KCNMA1: variants seen among roughly 807,000 people sequenced by gnomAD.
KCNMA1 encodes potassium calcium-activated channel subfamily M alpha 1, also known as Calcium-activated potassium channel subunit alpha-1.
KCNMA1 carries 29 observed loss-of-function variants against 140.0 expected under a neutral mutation model. That is an observed-to-expected ratio of 0.21 (90% CI 0.15 to 0.28). KCNMA1 has a LOEUF of 0.28. Ranked by LOEUF, KCNMA1 falls within the 10% of genes least tolerant of loss-of-function variation. The pLI is 1.00. For synonymous variants in KCNMA1, 612 were observed against 611.9 expected (o/e 1.00, Z 0.00); for missense variants, 880 against 1,602.2 (o/e 0.55, Z 7.70).
At chr10:77,225,003 A>G (rs914374136) in intron 3 of KCNMA1, among the ~76,000 whole-genome samples, 8 of 152,170 alleles carry the variant, frequency 5.3e-5, no homozygotes, top group Non-Finnish European at 7.4e-5. Flanking sequence ...GTTTACTTCT[A>G]TGGTCCCAGC....
intron 3 of KCNMA1, among the ~76,000 whole-genome samples, chr10:77,226,991 A>ACT (rs2051691750): frequency 6.6e-6 from 1 of 152,170 alleles, no homozygotes; most frequent in South Asian, 2.1e-4. Context: ...CTTAGGGAGC[A>ACT]ATTAAGGAAA....
In KCNMA1 at chr10:76,885,946, T is replaced by C. The variant is rs1436488822; in HGVS notation, c.*1320A>G. On this transcript the variant is annotated 3_prime_UTR_variant, in exon 28 of 28. Coordinates refer to ENST00000286628, the MANE Select transcript of KCNMA1 (RefSeq NM_001161352.2). ...CATAATGACAAGGAGCAGCTCTCTATTGCCGTCATTACCCTGCCTAAATTG... is the reference window on the plus strand; with the variant it reads ...CATAATGACAAGGAGCAGCTCTCTACTGCCGTCATTACCCTGCCTAAATTG... The C allele has an allele frequency of 4.1e-6, 4 of 985,346 alleles. No homozygotes were observed. The African/African-American group carries it at 7.0e-5, about 17-fold the overall frequency. 61.0% of individuals were successfully genotyped at this position (985,346 alleles called of 1,614,324 possible).
intron 2 of KCNMA1, among the ~76,000 whole-genome samples, chr10:77,311,829 AT>A (rs1784346914): frequency 6.6e-6 from 1 of 152,176 alleles, no homozygotes; most frequent in Admixed American, 6.5e-5. Context: ...TCCCCCAGTC[AT>A]GCTGCCTCCC....
At chr10:77,145,119 C>T (rs1404917963) in intron 5 of KCNMA1, among the ~76,000 whole-genome samples, 1 of 152,164 alleles carries the variant, frequency 6.6e-6, no homozygotes, top group Non-Finnish European at 1.5e-5. Flanking sequence ...CACCTATCTC[C>T]ATGGGGCACA....
chr10:76,941,473 G>A (rs936724637), intron 23 of KCNMA1, among the ~76,000 whole-genome samples: 12 of 152,268 alleles, frequency 7.9e-5, no homozygotes, highest in East Asian at 3.9e-4. Context: ...GGGAAGGAGC[G>A]ATTTCTCTGT....
chr10:76,901,135 G>A (rs1345936119), intron 25 of KCNMA1, among the ~76,000 whole-genome samples: 1 of 151,886 alleles, frequency 6.6e-6, no homozygotes, highest in Non-Finnish European at 1.5e-5. Context: ...AAATACTCTG[G>A]ATAAAATATT....
rs150604083 is a variant in KCNMA1, at chr10:77,631,233, C to T, written c.378+6032G>A. On this transcript the variant is annotated intron_variant, in intron 1 of 27. Transcript: ENST00000286628. ...GTTTTCTGTCCAAAGTGCTAGGACA[C>T]CCTTGCCTCCGAGGGTCCCTGGGTT... is the stretch of plus-strand genomic sequence containing the variant. 1.9e-3 allele frequency among the ~76,000 whole-genome samples: 290 copies of T among 152,216 alleles called. 2 individuals are homozygous for T. The highest frequency in any genetic ancestry group is 6.7e-3 in the African/African-American group (278 of 41,534).
chr10:77,453,802 A>G (rs191260853), intron 1 of KCNMA1, among the ~76,000 whole-genome samples: 4 of 152,302 alleles, frequency 2.6e-5, no homozygotes, highest in Admixed American at 2.0e-4. Context: ...TGTGAAAGCT[A>G]TCCAAGGTGG....
intron 3 of KCNMA1, among the ~76,000 whole-genome samples, chr10:77,247,659 C>A (rs531090460): frequency 6.6e-6 from 1 of 152,036 alleles, no homozygotes; most frequent in Non-Finnish European, 1.5e-5. Context: ...AGAAAGGGAG[C>A]TTTTTGTACA....
intron 1 of KCNMA1, among the ~76,000 whole-genome samples, chr10:77,589,977 C>G (rs534817234): frequency 6.6e-6 from 1 of 152,278 alleles, no homozygotes; most frequent in Non-Finnish European, 1.5e-5. Flanking sequence ...TGACAGGGTG[C>G]TGATTGGTGC....
intron 1 of KCNMA1, among the ~76,000 whole-genome samples, chr10:77,630,885 C>T (rs2093102682): frequency 6.6e-6 from 1 of 151,916 alleles, no homozygotes; most frequent in Admixed American, 6.5e-5. Context: ...ATGGGAAGAT[C>T]ACTTGAACCC....
Position 77,556,107 on chromosome 10 carries a change from A to G in KCNMA1, c.378+81158T>C, listed in dbSNP as rs146314907. ...TTTCCGGTCAGTTCCCCTTTCTGCC[A>G]GTTACCATCAGAGGAACCATGGGCA... On this transcript the variant is annotated intron_variant, in intron 1 of 27. Coordinates refer to ENST00000286628, the MANE Select transcript of KCNMA1 (RefSeq NM_001161352.2). 2.0e-3 allele frequency among the ~76,000 whole-genome samples: 311 copies of G among 152,328 alleles called. 1 individual carries two copies. The highest frequency in any genetic ancestry group is 7.1e-3 in the African/African-American group (295 of 41,578).
chr10:77,230,566 C>A (rs1193034331), intron 3 of KCNMA1, among the ~76,000 whole-genome samples: 5 of 152,120 alleles, frequency 3.3e-5, no homozygotes, highest in South Asian at 4.1e-4. Context: ...CTGTCCAGTG[C>A]GGAATTACAT....
At chr10:77,515,213 G>C (rs550135390) in intron 1 of KCNMA1, among the ~76,000 whole-genome samples, 1 of 152,066 alleles carries the variant, frequency 6.6e-6, no homozygotes, top group Non-Finnish European at 1.5e-5. Flanking sequence ...ACCGGGGGAT[G>C]GGGGGGAAAG....
At chr10:77,593,747 T>C (rs968685162) in intron 1 of KCNMA1, among the ~76,000 whole-genome samples, 1 of 152,178 alleles carries the variant, frequency 6.6e-6, no homozygotes, top group African/African-American at 2.4e-5. Flanking sequence ...CTCATCTTCT[T>C]TCTGCTGCTT....
intron 5 of KCNMA1, among the ~76,000 whole-genome samples, chr10:77,168,824 T>A (rs61305108): frequency 0.14 from 20,914 of 152,174 alleles, 1,675 homozygotes; most frequent in African/African-American, 0.21. Context: ...AAAGAATATA[T>A]AACATAGCTG....
intron 12 of KCNMA1, among the ~76,000 whole-genome samples, chr10:77,082,309 A>C (rs545636254): frequency 6.6e-6 from 1 of 151,998 alleles, no homozygotes; most frequent in Non-Finnish European, 1.5e-5. Flanking sequence ...TTACAGGTGT[A>C]AGCCACTGAG....
chr10:77,387,032 C>T (rs1192939490), intron 2 of KCNMA1, among the ~76,000 whole-genome samples: 4 of 152,080 alleles, frequency 2.6e-5, no homozygotes. Context: ...AGAAAGAACC[C>T]GGGAGTGGGC....
intron 15 of KCNMA1, among the ~76,000 whole-genome samples, chr10:77,031,106 G>A (rs148256178): frequency 8.5e-5 from 13 of 152,316 alleles, no homozygotes; most frequent in South Asian, 2.1e-4. Context: ...AGCCAAAAGT[G>A]GAAATCGAGT....
Sources: gnomAD v4.1 joint callset for allele counts (sites outside exome capture counted in the v4.1 genomes callset) on GRCh38, gnomAD v4.1.1 for gene constraint, MANE v1.5 for transcripts, NCBI Gene and HGNC (gene_info 2026-07-23, HGNC 2026-07-21) for gene names.